The following MIOS variants were observed in gnomAD, a reference collection of about 807,000 sequenced individuals.
The protein encoded by MIOS is GATOR2 complex protein MIOS.
Under a neutral mutation model 96.9 loss-of-function variants are expected in MIOS, and 52 were observed. The ratio of observed to expected loss-of-function variants is 0.54; its 90% CI spans 0.43 to 0.68. MIOS has a LOEUF of 0.68. MIOS is among the 30% of genes least tolerant of loss of function. MIOS has a pLI of 0.00. For synonymous variants in MIOS, 397 were observed against 359.5 expected (o/e 1.10, Z -1.18); for missense variants, 1,005 against 1,052.8 (o/e 0.95, Z 0.63).
At chr7:7,602,696 A>G (rs1485942374) in intron 11 of MIOS, among the ~76,000 whole-genome samples, 1 of 152,176 alleles carries the variant, frequency 6.6e-6, no homozygotes, top group Non-Finnish European at 1.5e-5. Context: ...GCTACCAATG[A>G]CTTTCTTCAC....
At chr7:7,577,579 C>T (rs1783578058) in intron 5 of MIOS, among the ~76,000 whole-genome samples, 1 of 152,036 alleles carries the variant, frequency 6.6e-6, no homozygotes, top group African/African-American at 2.4e-5. Context: ...GTTAAAGATG[C>T]AGAGAGAAGG....
intron 9 of MIOS, among the ~76,000 whole-genome samples, chr7:7,594,471 T>A (rs1440736648): frequency 6.6e-6 from 1 of 152,130 alleles, no homozygotes; most frequent in East Asian, 1.9e-4. Context: ...ATTTTTGTAT[T>A]TTTACTAGAG....
Position 7,608,831 on chromosome 7 carries a change from C to G in MIOS, c.*1739C>G, listed in dbSNP as rs181243398. On this transcript the variant is annotated 3_prime_UTR_variant, in exon 13 of 13. Coordinates refer to ENST00000340080, the MANE Select transcript of MIOS (RefSeq NM_019005.4). Reference sequence around the variant, plus strand: ...ACAGTATAAAACATGAATGTAAAGTCTATTATGTAATATGCTTATTTGTAA... The same window carrying G: ...ACAGTATAAAACATGAATGTAAAGTGTATTATGTAATATGCTTATTTGTAA... 1.3e-5 allele frequency: 2 copies of G among 151,894 alleles called. No homozygotes were observed. The highest frequency in any genetic ancestry group is 4.8e-5 in the African/African-American group (2 of 41,384). The allele number at this position is 151,894 out of a possible 1,614,324, so 9.4% of individuals were successfully genotyped here.
chr7:7,594,363 A>G (rs1402028209), intron 9 of MIOS, among the ~76,000 whole-genome samples: 1 of 151,498 alleles, frequency 6.6e-6, no homozygotes, highest in African/African-American at 2.4e-5. Flanking sequence ...CTACAGTGCA[A>G]CGGCACAATC....
intron 5 of MIOS, among the ~76,000 whole-genome samples, chr7:7,574,822 A>G (rs111544452): frequency 1.3e-4 from 19 of 151,888 alleles, no homozygotes; most frequent in South Asian, 4.2e-4. Flanking sequence ...AGTTGTTCCT[A>G]TTCTTTTACT....
intron 5 of MIOS, among the ~76,000 whole-genome samples, chr7:7,579,823 C>T (rs181350118): frequency 6.6e-6 from 1 of 152,166 alleles, no homozygotes; most frequent in African/African-American, 2.4e-5. Flanking sequence ...GCTATGCCAT[C>T]TAGGTTTGTG....
chr7:7,579,315 A>G (rs1273768169), intron 5 of MIOS, among the ~76,000 whole-genome samples: 1 of 152,200 alleles, frequency 6.6e-6, no homozygotes, highest in Non-Finnish European at 1.5e-5. Flanking sequence ...TGATACAATA[A>G]CCATGTTCTT....
At chr7:7,589,676 A>T in intron 9 of MIOS, 113 bp downstream of exon 9, 5 of 1,142,960 alleles carry the variant, frequency 4.4e-6, no homozygotes, top group Non-Finnish European at 6.2e-6. Context: ...GAAGGCATTT[A>T]GTTTTAACCT....
At chr7:7,582,325 A>G (rs1181265668) in intron 5 of MIOS, among the ~76,000 whole-genome samples, 1 of 152,226 alleles carries the variant, frequency 6.6e-6, no homozygotes, top group African/African-American at 2.4e-5. Flanking sequence ...AAAACTTTCT[A>G]GAACATTTAA....
intron 3 of MIOS, among the ~76,000 whole-genome samples, chr7:7,568,697 G>A (rs1018871382): frequency 6.6e-6 from 1 of 152,182 alleles, no homozygotes; most frequent in African/African-American, 2.4e-5. Context: ...CCTGCATATC[G>A]TGTAGCTGAT....
intron 11 of MIOS, among the ~76,000 whole-genome samples, chr7:7,597,469 TA>T (rs1784238025): frequency 3.2e-3 from 7 of 2,218 alleles, no homozygotes; most frequent in African/African-American, 0.014. Context: ...CTAGTAAATT[TA>T]TATATATATA....
chr7:7,595,417 A>T (rs1784175480), intron 10 of MIOS, among the ~76,000 whole-genome samples: 1 of 152,172 alleles, frequency 6.6e-6, no homozygotes, highest in Non-Finnish European at 1.5e-5. Flanking sequence ...TTATCTTATA[A>T]ATTCCACTTG....
chr7:7,597,687 G>GTT (rs1447190237), intron 11 of MIOS, among the ~76,000 whole-genome samples: 1 of 148,798 alleles, frequency 6.7e-6, no homozygotes, highest in African/African-American at 2.5e-5. Flanking sequence ...CACAGTGTTC[G>GTT]TTTTTGTTTG....
intron 7 of MIOS, 50 bp from the exon 8 acceptor site, chr7:7,588,448 T>A (rs1203791723): frequency 1.6e-6 from 2 of 1,227,596 alleles, no homozygotes; most frequent in Admixed American, 4.9e-5. Context: ...TGCAAAAATT[T>A]AAAACCAGTG....
intron 9 of MIOS, among the ~76,000 whole-genome samples, chr7:7,590,598 T>C (rs1784019587): frequency 6.6e-6 from 1 of 152,220 alleles, no homozygotes; most frequent in African/African-American, 2.4e-5. Flanking sequence ...ATCTTGCTGT[T>C]TGTTTTCCGT....
At chr7:7,586,073 T>G (rs773500086) in intron 7 of MIOS, among the ~76,000 whole-genome samples, 42 of 152,096 alleles carry the variant, frequency 2.8e-4, no homozygotes, top group Non-Finnish European at 4.9e-4. Context: ...ATTTTATCCT[T>G]TAGCTTAAGA....
At chr7:7,597,496 ATATATATATATATATATATAT>A (rs1563040951) in intron 11 of MIOS, among the ~76,000 whole-genome samples, 1 of 67,040 alleles carries the variant, frequency 1.5e-5, no homozygotes, top group African/African-American at 5.8e-5. Flanking sequence ...ATATATATAT[ATATATATATATATATATATAT>A]GAAGGCAATA....
At position 7,595,054 on chromosome 7, in the gene MIOS, C is replaced by G. The variant is rs745829568; in HGVS notation, c.2118C>G (p.Ala706=). Reference sequence around the variant, plus strand: ...AGAATTATAGAAATTTATTAGATGCCTGGAGGTTTTGGCATAAACGAGCTG... The same window carrying G: ...AGAATTATAGAAATTTATTAGATGCGTGGAGGTTTTGGCATAAACGAGCTG... The part of the protein sequence containing the change: ...WIENYRNLLD[A]WRFWHKRAEF... Residue 706 remains alanine, a synonymous_variant, in exon 10 of 13, where the codon GCC becomes GCG. Coordinates refer to ENST00000340080, the MANE Select transcript of MIOS (RefSeq NM_019005.4). 3.0e-5 allele frequency: 48 copies of G among 1,613,670 alleles called. No individual in the cohort carries two copies. The highest frequency in any genetic ancestry group is 4.1e-5 in the Non-Finnish European group (48 of 1,179,882).
chr7:7,570,107 C>T (rs770053105), intron 3 of MIOS, among the ~76,000 whole-genome samples: 1 of 152,078 alleles, frequency 6.6e-6, no homozygotes, highest in Non-Finnish European at 1.5e-5. Flanking sequence ...TCTGAAGGAC[C>T]AGGGGAAAGA....
Sources: allele counts gnomAD v4.1 joint callset (sites outside exome capture counted in the v4.1 genomes callset), GRCh38; gene constraint gnomAD v4.1.1; transcripts MANE v1.5; gene names NCBI Gene and HGNC (gene_info 2026-07-23, HGNC 2026-07-21).